Variants in ASB3 observed in about 807,000 individuals in gnomAD.
The protein encoded by ASB3 is ankyrin repeat and SOCS box containing 3, also known as ankyrin repeat and SOCS box protein 3.
In ASB3, 41 loss-of-function variants were observed where a neutral mutation model predicts 54.5. The ratio of observed to expected loss-of-function variants is 0.75; its 90% confidence interval spans 0.59 to 0.98. The LOEUF (loss-of-function observed/expected upper bound fraction) is 0.98. ASB3 is among the 50% of genes least tolerant of loss of function. The pLI, the probability that ASB3 is intolerant of heterozygous loss-of-function variation, is 0.00. For missense variants in ASB3, 733 were observed against 620.0 expected (o/e 1.18, Z -1.94); for synonymous variants, 266 against 221.2 (o/e 1.20, Z -1.80).
At chr2:53,709,011 A>G (rs1669944641) in intron 7 of ASB3, among the ~76,000 whole-genome samples, 1 of 152,254 alleles carries the variant, frequency 6.6e-6, no homozygotes. Flanking sequence ...AAGGAATTCA[A>G]GCAGACTTCA....
At chr2:53,710,359 T>G (rs1016479861) in intron 7 of ASB3, among the ~76,000 whole-genome samples, 9 of 152,256 alleles carry the variant, frequency 5.9e-5, no homozygotes, top group Admixed American at 1.3e-4. Flanking sequence ...TTTTATAGTT[T>G]CTACTACTCA....
intron 3 of ASB3, among the ~76,000 whole-genome samples, chr2:53,736,170 T>C (rs1671616811): frequency 6.6e-6 from 1 of 152,028 alleles, no homozygotes; most frequent in African/African-American, 2.4e-5. Context: ...TTTTAAAACA[T>C]GAGAAAATTT....
At chr2:53,720,313 C>T (rs893414844) in intron 5 of ASB3, among the ~76,000 whole-genome samples, 5 of 152,184 alleles carry the variant, frequency 3.3e-5, no homozygotes, top group Admixed American at 6.5e-5. Flanking sequence ...CCACTTTGGG[C>T]ATATGTTGCC....
chr2:53,686,663 A>T (rs1384178943), intron 9 of ASB3, among the ~76,000 whole-genome samples: 3 of 73,706 alleles, frequency 4.1e-5, no homozygotes, highest in Non-Finnish European at 5.5e-5. Context: ...TAGAACATGT[A>T]AAAAAAAACA....
intron 3 of ASB3, among the ~76,000 whole-genome samples, chr2:53,744,669 A>C (rs1039296703): frequency 2.0e-5 from 3 of 152,188 alleles, no homozygotes; most frequent in African/African-American, 7.2e-5. Flanking sequence ...TTTTATTAAC[A>C]TAATATATAA....
intron 1 of ASB3, among the ~76,000 whole-genome samples, chr2:53,780,683 C>G (rs1674596152): frequency 6.6e-6 from 1 of 152,158 alleles, no homozygotes; most frequent in Admixed American, 6.6e-5. Context: ...GAGGATAAAG[C>G]AGAAGGATCT....
At chr2:53,771,993 C>T (rs377640536) in intron 1 of ASB3, 13 of 1,038,010 alleles carry the variant, frequency 1.3e-5, no homozygotes, top group Middle Eastern at 2.9e-4. Flanking sequence ...TAAAATGTTG[C>T]GATGTTTCTG....
At chr2:53,692,251 C>G (rs937620621) in intron 9 of ASB3, among the ~76,000 whole-genome samples, 3 of 152,160 alleles carry the variant, frequency 2.0e-5, no homozygotes, top group Admixed American at 2.0e-4. Flanking sequence ...CAAACCACCT[C>G]ATCTCCTGAA....
At chr2:53,738,277 G>T (rs573737520) in intron 3 of ASB3, among the ~76,000 whole-genome samples, 1 of 152,228 alleles carries the variant, frequency 6.6e-6, no homozygotes, top group East Asian at 1.9e-4. Flanking sequence ...ACCCATCTAG[G>T]ACCACATGTT....
intron 7 of ASB3, among the ~76,000 whole-genome samples, chr2:53,701,512 G>A (rs986592870): frequency 6.6e-6 from 1 of 152,062 alleles, no homozygotes; most frequent in South Asian, 2.1e-4. Context: ...AACACTTCAT[G>A]ATATAGCCAA....
chr2:53,719,634 C>T (rs1670590000), intron 5 of ASB3, among the ~76,000 whole-genome samples: 1 of 151,896 alleles, frequency 6.6e-6, no homozygotes, highest in African/African-American at 2.4e-5. Context: ...ACTTCTCCCC[C>T]ACACATAAAC....
At chr2:53,686,395 G>C (rs1401690186) in intron 9 of ASB3, among the ~76,000 whole-genome samples, 1 of 152,094 alleles carries the variant, frequency 6.6e-6, no homozygotes, top group East Asian at 1.9e-4. Flanking sequence ...CCTCCTCAGA[G>C]CCACGGTTTT....
intron 1 of ASB3, among the ~76,000 whole-genome samples, chr2:53,778,795 C>T (rs1174911966): frequency 6.6e-6 from 1 of 152,152 alleles, no homozygotes; most frequent in African/African-American, 2.4e-5. Flanking sequence ...TGTCTAAGGA[C>T]CCTTAGGTTG....
At chr2:53,740,275 T>G (rs1409355092) in intron 3 of ASB3, among the ~76,000 whole-genome samples, 3 of 152,204 alleles carry the variant, frequency 2.0e-5, no homozygotes, top group African/African-American at 7.2e-5. Context: ...TATGTAAAAC[T>G]TTTTTCCCCC....
chr2:53,751,321 A>T (rs531382158), intron 2 of ASB3, among the ~76,000 whole-genome samples: 10 of 152,270 alleles, frequency 6.6e-5, no homozygotes, highest in African/African-American at 2.4e-4. Context: ...TTTATTTTTA[A>T]ATTTCTATAA....
intron 9 of ASB3, among the ~76,000 whole-genome samples, chr2:53,678,575 C>T (rs1668205497): frequency 1.3e-5 from 2 of 152,192 alleles, no homozygotes; most frequent in African/African-American, 2.4e-5. Context: ...TTCACTATAG[C>T]ACACCACAAA....
At chr2:53,670,735 G>A (rs967318850) in intron 9 of ASB3, 45 bp from the exon 10 acceptor site, 1 of 1,571,178 alleles carries the variant, frequency 6.4e-7, no homozygotes, top group Non-Finnish European at 8.6e-7. Flanking sequence ...TAAACAGAAA[G>A]ATGTAATAGC....
At chr2:53,719,168 C>T (rs2103858169) in intron 5 of ASB3, among the ~76,000 whole-genome samples, 1 of 152,260 alleles carries the variant, frequency 6.6e-6, no homozygotes, top group African/African-American at 2.4e-5. Context: ...CGTGATCCAC[C>T]CACCTCGGCC....
chr2:53,778,884 A>G (rs757077845), intron 1 of ASB3, among the ~76,000 whole-genome samples: 4 of 152,162 alleles, frequency 2.6e-5, no homozygotes, highest in South Asian at 2.1e-4. Context: ...CTGATTTCCA[A>G]TCTTTTAGGT....
Sources: allele counts gnomAD v4.1 joint callset (sites outside exome capture counted in the v4.1 genomes callset), GRCh38; gene constraint gnomAD v4.1.1; transcripts MANE v1.5; gene names NCBI Gene and HGNC (gene_info 2026-07-23, HGNC 2026-07-21).